Variants in SCHIP1 observed in about 807,000 individuals in gnomAD.
SCHIP1 encodes the protein schwannomin-interacting protein 1.
SCHIP1 carries 8 observed loss-of-function variants against 29.7 expected under a neutral mutation model. The ratio of observed to expected loss-of-function variants is 0.27; its 90% CI spans 0.16 to 0.49. The LOEUF (loss-of-function observed/expected upper bound fraction) is 0.49, where lower values mean the gene tolerates loss of function less well. SCHIP1 is among the 20% of genes least tolerant of loss of function. The pLI is 0.99. For missense variants in SCHIP1, 193 were observed against 294.6 expected (o/e 0.66, Z 2.52); for synonymous variants, 76 against 94.9 (o/e 0.80, Z 1.16).
At chr3:159,353,465 A>G in the SCHIP1 span, among the ~76,000 whole-genome samples, 1 of 152,132 alleles carries the variant, frequency 6.6e-6, no homozygotes, top group East Asian at 1.9e-4. Flanking sequence ...TACTGAATCA[A>G]GGAGAGAAAT....
chr3:159,886,073 A>G (rs1304902591), intron 2 of SCHIP1, 134 bp from the exon 4 acceptor site: 3 of 789,686 alleles, frequency 3.8e-6, no homozygotes, highest in Non-Finnish European at 6.2e-6. Context: ...TGTGGAGAGT[A>G]ATATTGGTTG....
At chr3:159,734,709 A>G in the SCHIP1 span, among the ~76,000 whole-genome samples, 77 of 151,980 alleles carry the variant, frequency 5.1e-4, no homozygotes, top group East Asian at 0.011. Context: ...TGTAAAAAGA[A>G]TGAATGTTAA....
the SCHIP1 span, chr3:159,764,604 G>A: frequency 6.2e-7 from 1 of 1,609,768 alleles, no homozygotes; most frequent in South Asian, 1.1e-5. This position sits in a 1 kb window ranked among gnomAD's most constrained non-coding sequence, Gnocchi z 6.1. Context: ...CTGCCCTGGA[G>A]GACTATGAGG....
At chr3:159,771,440 T>A in the SCHIP1 span, among the ~76,000 whole-genome samples, 1 of 152,264 alleles carries the variant, frequency 6.6e-6, no homozygotes, top group Admixed American at 6.5e-5. Context: ...CTATCACTTA[T>A]TCCTGTTAGT....
the SCHIP1 span, among the ~76,000 whole-genome samples, chr3:159,826,471 A>T: frequency 6.6e-6 from 1 of 152,246 alleles, no homozygotes; most frequent in Non-Finnish European, 1.5e-5. Flanking sequence ...GCAAATTTGT[A>T]CTTCTTCAGC....
chr3:159,281,017 G>C, the SCHIP1 span, among the ~76,000 whole-genome samples: 3 of 152,178 alleles, frequency 2.0e-5, no homozygotes, highest in African/African-American at 7.2e-5. Context: ...GTGACATGTG[G>C]GGCAATCGTG....
the SCHIP1 span, among the ~76,000 whole-genome samples, chr3:159,743,840 G>A: frequency 6.6e-5 from 10 of 152,212 alleles, no homozygotes; most frequent in African/African-American, 2.4e-4. Flanking sequence ...AAGGGCACAA[G>A]GGATTTTTCT....
At chr3:159,773,449 C>G in the SCHIP1 span, among the ~76,000 whole-genome samples, 1 of 152,138 alleles carries the variant, frequency 6.6e-6, no homozygotes, top group Non-Finnish European at 1.5e-5. Flanking sequence ...CTCAAGTCAC[C>G]CGACTCCTAA....
chr3:159,526,717 A>G, the SCHIP1 span, among the ~76,000 whole-genome samples: 4 of 152,180 alleles, frequency 2.6e-5, no homozygotes, highest in Non-Finnish European at 5.9e-5. Flanking sequence ...GAGTTATTCA[A>G]CTGATGCTGG....
the SCHIP1 span, among the ~76,000 whole-genome samples, chr3:159,773,745 G>A: frequency 1.3e-5 from 2 of 152,186 alleles, no homozygotes. Context: ...TCATCACTGT[G>A]TATATTTCTA....
At chr3:159,435,748 C>G in the SCHIP1 span, among the ~76,000 whole-genome samples, 1 of 152,164 alleles carries the variant, frequency 6.6e-6, no homozygotes, top group African/African-American at 2.4e-5. Context: ...GAAATGCCAC[C>G]CTCTGCATGG....
chr3:159,803,752 A>G, the SCHIP1 span, among the ~76,000 whole-genome samples: 2 of 152,194 alleles, frequency 1.3e-5, no homozygotes, highest in East Asian at 3.8e-4. Flanking sequence ...GGACCTGGCT[A>G]CTTCTCTGTT....
chr3:159,345,911 T>C, the SCHIP1 span, among the ~76,000 whole-genome samples: 2 of 152,112 alleles, frequency 1.3e-5, no homozygotes, highest in Non-Finnish European at 2.9e-5. Flanking sequence ...CTCCATTAGT[T>C]GGCTGGGCGC....
At chr3:159,794,236 C>T in the SCHIP1 span, among the ~76,000 whole-genome samples, 9,806 of 152,194 alleles carry the variant, frequency 0.064, 1,006 homozygotes, top group African/African-American at 0.22. Context: ...CAGCTTCCCT[C>T]CTCTACAGTT....
the SCHIP1 span, among the ~76,000 whole-genome samples, chr3:159,523,910 T>C: frequency 6.6e-6 from 1 of 152,230 alleles, no homozygotes; most frequent in South Asian, 2.1e-4. Context: ...GAACTGCATT[T>C]CTGAATCAGC....
At chr3:159,852,829 A>T (rs1378564100) in intron 1 of SCHIP1, 1 of 152,252 alleles carries the variant, frequency 6.6e-6, no homozygotes, top group Admixed American at 6.5e-5. Flanking sequence ...CCTTTAAATT[A>T]TACTGTTTCC....
the SCHIP1 span, among the ~76,000 whole-genome samples, chr3:159,318,332 A>G: frequency 2.6e-5 from 4 of 152,136 alleles, no homozygotes; most frequent in African/African-American, 9.7e-5. Context: ...TTTTCCAACC[A>G]TGCTTCTTCC....
At chr3:159,798,058 A>G in the SCHIP1 span, among the ~76,000 whole-genome samples, 2 of 152,218 alleles carry the variant, frequency 1.3e-5, no homozygotes, top group South Asian at 4.1e-4. Context: ...ACTTAGTTTC[A>G]ACTTGGTGGC....
At chr3:159,727,690 T>C in the SCHIP1 span, among the ~76,000 whole-genome samples, 1 of 152,140 alleles carries the variant, frequency 6.6e-6, no homozygotes, top group East Asian at 1.9e-4. Context: ...CTAGTGTGGG[T>C]CTGGGGAACA....
Sources: allele counts gnomAD v4.1 joint callset (sites outside exome capture counted in the v4.1 genomes callset), GRCh38; gene constraint gnomAD v4.1.1; non-coding constraint Gnocchi (gnomAD v3.1); transcripts MANE v1.5; gene names NCBI Gene and HGNC (gene_info 2026-07-23, HGNC 2026-07-21).